CDK17: variants seen among roughly 807,000 people sequenced by gnomAD.
CDK17 encodes the protein cyclin-dependent kinase 17.
Under a neutral mutation model 77.6 loss-of-function variants are expected in CDK17, and 24 were observed. That is an observed-to-expected ratio of 0.31 (90% confidence interval 0.22 to 0.44). The LOEUF (loss-of-function observed/expected upper bound fraction) is 0.44, where lower values mean the gene tolerates loss of function less well. Ranked by LOEUF, CDK17 falls within the 20% of genes least tolerant of loss-of-function variation. The pLI is 1.00. For synonymous variants in CDK17, 203 were observed against 210.4 expected, an observed-to-expected ratio of 0.96 and a Z score of 0.30; for missense variants, 429 against 622.5, an observed-to-expected ratio of 0.69 and a Z score of 3.31.
intron 5 of CDK17, among the ~76,000 whole-genome samples, chr12:96,306,444 G>A (rs974691916): frequency 2.6e-5 from 4 of 151,354 alleles, no homozygotes; most frequent in Non-Finnish European, 5.9e-5. Flanking sequence ...ATATATATGA[G>A]AACAACACAT....
In CDK17 at chr12:96,286,775, C is replaced by G; in HGVS notation, c.1119-14G>C. On this transcript the variant is annotated splice_polypyrimidine_tract_variant and intron_variant, in intron 11 of 16. Coordinates refer to ENST00000261211, the MANE Select transcript of CDK17 (RefSeq NM_002595.5). ...CAACCAACACCCCTTTAAAATAGAT[C>G]ATGAAAATAATTTAGCAATTCATTT... 1 of 1,574,966 alleles carries G rather than the reference C, an allele frequency of 6.3e-7. No individual in the cohort carries two copies. Among genetic ancestry groups the G allele is most frequent in the Non-Finnish European group, 8.7e-7 (1 of 1,148,220 alleles).
intron 2 of CDK17, among the ~76,000 whole-genome samples, chr12:96,329,340 T>C (rs746714621): frequency 6.6e-6 from 1 of 152,214 alleles, no homozygotes; most frequent in Non-Finnish European, 1.5e-5. Context: ...GAAATCTATA[T>C]GAAAAATTGC....
At chr12:96,338,827 A>G (rs1011434203) in intron 1 of CDK17, among the ~76,000 whole-genome samples, 1 of 151,264 alleles carries the variant, frequency 6.6e-6, no homozygotes, top group Admixed American at 6.6e-5. Flanking sequence ...AAAATTCACT[A>G]TCTTTACCAT....
At chr12:96,390,071 G>A (rs1378822465) in intron 1 of CDK17, among the ~76,000 whole-genome samples, 3 of 151,440 alleles carry the variant, frequency 2.0e-5, no homozygotes, top group Admixed American at 1.3e-4. Flanking sequence ...CTCATAATCC[G>A]CCTGCCTCAG....
intron 1 of CDK17, chr12:96,386,942 T>C (rs1219332921): frequency 2.0e-5 from 5 of 253,438 alleles, no homozygotes; most frequent in South Asian, 1.9e-4. Context: ...CTTAGGTTTT[T>C]ACTTTAGGCT....
intron 1 of CDK17, among the ~76,000 whole-genome samples, chr12:96,384,111 CA>C (rs969022415): frequency 2.0e-5 from 3 of 151,842 alleles, no homozygotes; most frequent in Admixed American, 2.0e-4. Flanking sequence ...AGACATTTCT[CA>C]AAAGAAGACA....
intron 1 of CDK17, among the ~76,000 whole-genome samples, chr12:96,365,784 A>G (rs1450262544): frequency 2.0e-5 from 3 of 152,224 alleles, no homozygotes; most frequent in African/African-American, 7.2e-5. Context: ...CCATGCACCT[A>G]TCATCCCAGC....
chr12:96,294,725 G>A (rs1411126739), intron 10 of CDK17, among the ~76,000 whole-genome samples: 1 of 151,538 alleles, frequency 6.6e-6, no homozygotes, highest in Non-Finnish European at 1.5e-5. Flanking sequence ...TACAATTTTG[G>A]TAATATATTT....
chr12:96,286,392 T>C (rs1366500282), intron 12 of CDK17, among the ~76,000 whole-genome samples: 5 of 151,896 alleles, frequency 3.3e-5, no homozygotes, highest in African/African-American at 9.7e-5. Context: ...ACCAAAAAAG[T>C]TAGCAATATT....
intron 2 of CDK17, among the ~76,000 whole-genome samples, chr12:96,326,464 A>G (rs1204732562): frequency 6.6e-6 from 1 of 152,250 alleles, no homozygotes; most frequent in Non-Finnish European, 1.5e-5. Context: ...ATTTAAATGC[A>G]AGAAAGAGCC....
At chr12:96,359,102 T>C (rs1394831304) in intron 1 of CDK17, among the ~76,000 whole-genome samples, 1 of 152,038 alleles carries the variant, frequency 6.6e-6, no homozygotes, top group East Asian at 1.9e-4. Context: ...TGGCTTCCCT[T>C]CATTTCTTGG....
intron 3 of CDK17, among the ~76,000 whole-genome samples, chr12:96,323,252 G>A (rs1462737114): frequency 6.8e-6 from 1 of 147,722 alleles, no homozygotes; most frequent in African/African-American, 2.5e-5. Flanking sequence ...GGGCAACACA[G>A]TGAGACCCCG....
intron 1 of CDK17, among the ~76,000 whole-genome samples, chr12:96,386,173 T>G (rs541351147): frequency 2.1e-4 from 32 of 152,278 alleles, no homozygotes; most frequent in African/African-American, 7.5e-4. Context: ...TTAAAACACT[T>G]TTTAAAGAGA....
chr12:96,399,297 C>G (rs1954220192), intron 1 of CDK17: 1 of 152,502 alleles, frequency 6.6e-6, no homozygotes, highest in Non-Finnish European at 1.5e-5. Flanking sequence ...CTCCTCCCCC[C>G]ATTTTCCCCT....
chr12:96,369,670 C>G (rs1565839414), intron 1 of CDK17, among the ~76,000 whole-genome samples: 3 of 152,150 alleles, frequency 2.0e-5, no homozygotes, highest in Admixed American at 2.0e-4. Context: ...CCTAGCTACA[C>G]TTGGTGGCTG....
At chr12:96,383,415 A>AAC (rs143949972) in intron 1 of CDK17, among the ~76,000 whole-genome samples, 3 of 151,848 alleles carry the variant, frequency 2.0e-5, no homozygotes, top group African/African-American at 7.3e-5. Flanking sequence ...AAAAAAAAAA[A>AAC]AAACTCTTCT....
intron 1 of CDK17, among the ~76,000 whole-genome samples, chr12:96,335,408 C>G (rs1953028281): frequency 6.6e-6 from 1 of 152,192 alleles, no homozygotes; most frequent in Non-Finnish European, 1.5e-5. Context: ...TTTCAAGTGT[C>G]TCTTTCATCC....
At chr12:96,398,873 T>C (rs556147444) in intron 1 of CDK17, among the ~76,000 whole-genome samples, 1 of 152,288 alleles carries the variant, frequency 6.6e-6, no homozygotes, top group East Asian at 1.9e-4. Context: ...GGTGGACATA[T>C]TCATGTAAAG....
chr12:96,396,516 C>G (rs542479636), intron 1 of CDK17, among the ~76,000 whole-genome samples: 61 of 152,224 alleles, frequency 4.0e-4, no homozygotes, highest in African/African-American at 1.4e-3. Context: ...ATGCCATAAA[C>G]CTATTGTTTA....
Sources: allele counts gnomAD v4.1 joint callset (sites outside exome capture counted in the v4.1 genomes callset), GRCh38; gene constraint gnomAD v4.1.1; transcripts MANE v1.5; gene names NCBI Gene and HGNC (gene_info 2026-07-23, HGNC 2026-07-21).